PPP2R3C: variants seen among roughly 807,000 people sequenced by gnomAD.
PPP2R3C encodes the protein serine/threonine-protein phosphatase 2A regulatory subunit B'' subunit gamma.
Under a neutral mutation model 63.7 loss-of-function variants are expected in PPP2R3C, and 47 were observed. The ratio of observed to expected loss-of-function variants is 0.74; its 90% CI spans 0.58 to 0.94. The LOEUF (loss-of-function observed/expected upper bound fraction) is 0.94. Ranked by LOEUF, PPP2R3C falls within the 40% of genes least tolerant of loss-of-function variation. The pLI is 0.00. For missense variants in PPP2R3C, 421 were observed against 518.4 expected, an observed-to-expected ratio of 0.81 and a Z score of 1.82; for synonymous variants, 180 against 177.4, an observed-to-expected ratio of 1.01 and a Z score of -0.12.
At chr14:35,115,962 G>A (rs956252230) in intron 2 of PPP2R3C, among the ~76,000 whole-genome samples, 2 of 151,900 alleles carry the variant, frequency 1.3e-5, no homozygotes, top group Admixed American at 6.6e-5. Context: ...TCTATTTTTC[G>A]GTTTAGCCTT....
Position 35,114,856 on chromosome 14 carries a change from G to C in PPP2R3C, c.186+1754C>G, listed in dbSNP as rs2046662743. Among the ~76,000 whole-genome samples, 3 of 152,110 alleles carry C rather than the reference G, an allele frequency of 2.0e-5. 1 individual carries two copies. Among genetic ancestry groups the C allele is most frequent in the South Asian group, 4.1e-4 (2 of 4,832 alleles). On this transcript the variant is annotated intron_variant, in intron 2 of 12. Coordinates refer to ENST00000261475, the MANE Select transcript of PPP2R3C (RefSeq NM_017917.4). Reference sequence around the variant, plus strand: ...AAAAATACAAAAACTAGCTGGGCGTGGTGGCGCACACCTATAATCCCAGCT... The same window carrying C: ...AAAAATACAAAAACTAGCTGGGCGTCGTGGCGCACACCTATAATCCCAGCT...
chr14:35,110,201 G>C (rs2046505643), intron 3 of PPP2R3C: 2 of 444,286 alleles, frequency 4.5e-6, no homozygotes, highest in Admixed American at 4.0e-5. Flanking sequence ...TCGAAGCACA[G>C]AGATGTTAAG....
intron 2 of PPP2R3C, among the ~76,000 whole-genome samples, chr14:35,111,220 C>T (rs1467153776): frequency 2.5e-5 from 3 of 119,914 alleles, no homozygotes; most frequent in African/African-American, 3.3e-5. Context: ...GGCAACAGAG[C>T]GAGACTCCAT....
At position 35,095,674 on chromosome 14, in the gene PPP2R3C, TA is replaced by T. The variant is rs1324683162; in HGVS notation, c.839-491del. ...CAACATAGTGAAACACCGTCTCTAC[TA>T]AAAAAAAAAACAAAAAAAAAAAACA... On this transcript the variant is annotated intron_variant, in intron 9 of 12. Transcript: ENST00000261475. 2.3e-3 allele frequency among the ~76,000 whole-genome samples: 284 copies of T among 121,656 alleles called. 1 individual carries two copies. The highest frequency in any genetic ancestry group is 8.1e-3 in the African/African-American group (254 of 31,534). 79.8% of individuals were successfully genotyped at this position (121,656 alleles called of 152,430 possible).
In PPP2R3C at chr14:35,085,684, ATGG is replaced by A; in HGVS notation, c.1265_1267del (p.Thr422del). ...CCAGAAGCCATTCAAATCGATTAGAATGGTGGTTACTGTGTCTCCTTGATTACT... is the reference window on the plus strand; with the variant it reads ...CCAGAAGCCATTCAAATCGATTAGAATGGTTACTGTGTCTCCTTGATTACT... On this transcript the variant is annotated inframe_deletion, in exon 13 of 13. Transcript: ENST00000261475. 10 of 1,613,156 alleles carry A rather than the reference ATGG, an allele frequency of 6.2e-6. No homozygotes were observed. The highest frequency in any genetic ancestry group is 7.6e-6 in the Non-Finnish European group (9 of 1,179,186).
chr14:35,117,122 C>T (rs1303298928), intron 1 of PPP2R3C: 9 of 455,874 alleles, frequency 2.0e-5, no homozygotes, highest in Non-Finnish European at 3.1e-5. Flanking sequence ...GTGAGCAAGA[C>T]AGCCCCAGCC....
intron 1 of PPP2R3C, among the ~76,000 whole-genome samples, chr14:35,117,397 C>T (rs761609390): frequency 2.6e-5 from 4 of 152,178 alleles, no homozygotes; most frequent in African/African-American, 4.8e-5. Context: ...ACCATGGGTC[C>T]TGCAACTCCA....
At chr14:35,119,018 G>C (rs558391304) in intron 1 of PPP2R3C, among the ~76,000 whole-genome samples, 1 of 150,928 alleles carries the variant, frequency 6.6e-6, no homozygotes, top group African/African-American at 2.4e-5. Flanking sequence ...AGAAGCTGGA[G>C]AGGGATGTGG....
intron 1 of PPP2R3C, chr14:35,117,200 A>C (rs1176779046): frequency 2.2e-6 from 1 of 455,294 alleles, no homozygotes; most frequent in Admixed American, 2.4e-5. Context: ...AACAAACAAA[A>C]AAACTCATCC....
chr14:35,095,300 A>G, intron 9 of PPP2R3C, 116 bp from the exon 10 acceptor site: 1 of 1,034,818 alleles, frequency 9.7e-7, no homozygotes, highest in South Asian at 1.6e-5. Context: ...TATTCATGTT[A>G]TGATTAGGGT....
At chr14:35,103,050 C>T (rs896776140) in intron 6 of PPP2R3C, among the ~76,000 whole-genome samples, 2 of 152,280 alleles carry the variant, frequency 1.3e-5, no homozygotes, top group Non-Finnish European at 2.9e-5. Context: ...CATGAGCCAC[C>T]GTGCCTGGCC....
upstream of PPP2R3C, chr14:35,122,280 C>T (rs2046935321): frequency 2.9e-6 from 1 of 343,180 alleles, no homozygotes; most frequent in Non-Finnish European, 5.6e-6. Context: ...GTGCCTTTGG[C>T]GCGTGCGCAC....
chr14:35,096,266 G>C (rs963820232), intron 9 of PPP2R3C, among the ~76,000 whole-genome samples: 5 of 152,170 alleles, frequency 3.3e-5, no homozygotes, highest in Admixed American at 2.6e-4. Flanking sequence ...ACTGAGGTGA[G>C]AGGATTGAGC....
At chr14:35,122,008 C>G, upstream of PPP2R3C, 2 of 1,603,562 alleles carry the variant, frequency 1.2e-6, no homozygotes, top group East Asian at 2.2e-5. Context: ...CCTACCTGCT[C>G]CACCCCTACC....
chr14:35,105,786 A>G (rs1218244713), intron 6 of PPP2R3C, among the ~76,000 whole-genome samples: 2 of 152,002 alleles, frequency 1.3e-5, no homozygotes, highest in Non-Finnish European at 2.9e-5. Flanking sequence ...AGCGCAGAGT[A>G]TACTATGTCT....
At chr14:35,094,326 A>G (rs911898859) in intron 10 of PPP2R3C, among the ~76,000 whole-genome samples, 1 of 152,032 alleles carries the variant, frequency 6.6e-6, no homozygotes, top group African/African-American at 2.4e-5. Context: ...CATTCCATCC[A>G]TGCCCAAGTA....
At chr14:35,117,937 G>C (rs1375591688) in intron 1 of PPP2R3C, among the ~76,000 whole-genome samples, 2 of 151,942 alleles carry the variant, frequency 1.3e-5, no homozygotes, top group Non-Finnish European at 2.9e-5. Context: ...CAGGTGATCT[G>C]CCCACCTCGG....
intron 6 of PPP2R3C, 94 bp from the exon 7 acceptor site, chr14:35,099,478 T>C (rs889902422): frequency 5.9e-6 from 8 of 1,351,804 alleles, no homozygotes; most frequent in Non-Finnish European, 6.9e-6. Flanking sequence ...ATTAATACTA[T>C]ATTGATAAAG....
chr14:35,115,241 C>G (rs1230858019), intron 2 of PPP2R3C, among the ~76,000 whole-genome samples: 1 of 147,644 alleles, frequency 6.8e-6, no homozygotes, highest in Non-Finnish European at 1.5e-5. Flanking sequence ...CAGCTCACTG[C>G]AGCCTCAAGC....
Sources: gnomAD v4.1 joint callset for allele counts (sites outside exome capture counted in the v4.1 genomes callset) on GRCh38, gnomAD v4.1.1 for gene constraint, MANE v1.5 for transcripts, NCBI Gene and HGNC (gene_info 2026-07-23, HGNC 2026-07-21) for gene names.